ARHGAP29: variants seen among roughly 807,000 people sequenced by gnomAD.
The protein encoded by ARHGAP29 is rho GTPase-activating protein 29.
In ARHGAP29, 43 loss-of-function variants were observed where a neutral mutation model predicts 122.6. That is an observed-to-expected ratio of 0.35 (90% confidence interval 0.27 to 0.45). The LOEUF (loss-of-function observed/expected upper bound fraction) is 0.45, where lower values mean the gene tolerates loss of function less well. ARHGAP29 is among the 20% of genes least tolerant of loss of function. The pLI, the probability that ARHGAP29 is intolerant of heterozygous loss-of-function variation, is 1.00. For synonymous variants in ARHGAP29, 506 were observed against 497.1 expected (o/e 1.02, Z -0.24); for missense variants, 1,303 against 1,477.2 (o/e 0.88, Z 1.93).
At chr1:94,280,566 A>T in the ARHGAP29 span, among the ~76,000 whole-genome samples, 1 of 152,236 alleles carries the variant, frequency 6.6e-6, no homozygotes, top group Admixed American at 6.5e-5. Context: ...GAATTTCTAA[A>T]GGAGGAGAAG....
chr1:94,261,167 G>T (rs1654544663), intron 1 of ARHGAP29, among the ~76,000 whole-genome samples: 1 of 152,158 alleles, frequency 6.6e-6, no homozygotes, highest in Non-Finnish European at 1.5e-5. Context: ...CACTTGGAAA[G>T]TCCCTTACTA....
intron 3 of ARHGAP29, among the ~76,000 whole-genome samples, chr1:94,210,227 A>G (rs1206911696): frequency 6.6e-6 from 1 of 152,166 alleles, no homozygotes; most frequent in Non-Finnish European, 1.5e-5. Flanking sequence ...ATTCTCACCA[A>G]TAAAGGGAAG....
chr1:94,198,718 G>A (rs918538570), intron 12 of ARHGAP29, among the ~76,000 whole-genome samples: 1 of 152,024 alleles, frequency 6.6e-6, no homozygotes, highest in African/African-American at 2.4e-5. Context: ...ATGTTCATGT[G>A]TTGGCAACTT....
chr1:94,189,904 T>C, intron 13 of ARHGAP29, 22 bp downstream of exon 13: 1 of 1,608,934 alleles, frequency 6.2e-7, no homozygotes, highest in African/African-American at 1.3e-5. Flanking sequence ...TGAAATAATT[T>C]TGTCTGTACA....
intron 2 of ARHGAP29, among the ~76,000 whole-genome samples, chr1:94,223,562 GTAAT>G (rs1652444459): frequency 6.6e-6 from 1 of 152,006 alleles, no homozygotes; most frequent in South Asian, 2.1e-4. Context: ...TGGTGCAAAA[GTAAT>G]TAATTGCGGA....
intron 2 of ARHGAP29, among the ~76,000 whole-genome samples, chr1:94,224,892 A>G (rs1023372511): frequency 2.0e-4 from 30 of 152,210 alleles, no homozygotes; most frequent in Admixed American, 5.9e-4. Context: ...AAATAGCATC[A>G]GAATTATTTT....
exon 1 of ARHGAP29, chr1:94,275,045 C>T (rs1655132706): frequency 6.6e-6 from 1 of 152,320 alleles, no homozygotes; most frequent in Non-Finnish European, 1.5e-5. Flanking sequence ...GTGGGTAAGC[C>T]TGGATTAACC....
At chr1:94,251,929 T>C (rs569213875) in intron 1 of ARHGAP29, among the ~76,000 whole-genome samples, 117 of 152,306 alleles carry the variant, frequency 7.7e-4, no homozygotes, top group African/African-American at 2.6e-3. Flanking sequence ...CTTACTAGTA[T>C]GGGTATGTTA....
In ARHGAP29 at chr1:94,170,193, T is replaced by C. The variant is rs1008879421; in HGVS notation, c.*3676A>G. 1.7e-4 allele frequency among the ~76,000 whole-genome samples: 26 copies of C among 152,336 alleles called. No individual in the cohort carries two copies. Among genetic ancestry groups the C allele is most frequent in the African/African-American group, 6.0e-4 (25 of 41,570 alleles). ...TTTTACAATGGAGAAACCTGGTATA[T>C]ACTATCTGAACCAAGTGACCAAAAT... On this transcript the variant is annotated 3_prime_UTR_variant, in exon 23 of 23. Transcript: ENST00000260526.
At chr1:94,208,742 G>T (rs1651380608) in intron 5 of ARHGAP29, 90 bp downstream of exon 5, 2 of 1,304,874 alleles carry the variant, frequency 1.5e-6, no homozygotes, top group Non-Finnish European at 2.2e-6. Context: ...TTACAGGTAT[G>T]AGCCACCACC....
chr1:94,184,747 G>A (rs1570496483), intron 18 of ARHGAP29, 125 bp downstream of exon 18: 17 of 767,580 alleles, frequency 2.2e-5, no homozygotes, highest in South Asian at 2.2e-4. Context: ...GAGTGAGACC[G>A]TGTCTCAGAA....
chr1:94,233,910 GA>G (rs904940724), intron 1 of ARHGAP29, among the ~76,000 whole-genome samples: 9 of 152,096 alleles, frequency 5.9e-5, no homozygotes, highest in African/African-American at 1.9e-4. Context: ...CCTACAGTTT[GA>G]AAAACACCAA....
chr1:94,177,969 T>C lies in ARHGAP29; in HGVS notation c.2679A>G (p.Gln893=). The change falls in exon 21 of 23, where the codon CAA becomes CAG. Residue 893 remains glutamine (Q), a synonymous_variant. Transcript: ENST00000260526. Reference sequence around the variant, plus strand: ...CAACACCTATGCTACACATAACATCTTGTGGTTGTAGGGACCCATCGAAGA... The same window carrying C: ...CAACACCTATGCTACACATAACATCCTGTGGTTGTAGGGACCCATCGAAGA... The part of the protein sequence containing the change: ...QKIFDGSLQP[Q]DVMCSIGVVD... 1.2e-6 allele frequency: 2 copies of C among 1,614,130 alleles called. No individual in the cohort carries two copies. Among genetic ancestry groups the C allele is most frequent in the Non-Finnish European group, 1.7e-6 (2 of 1,180,028 alleles).
At chr1:94,268,602 T>A (rs1156339020) in intron 1 of ARHGAP29, among the ~76,000 whole-genome samples, 1 of 152,206 alleles carries the variant, frequency 6.6e-6, no homozygotes, top group East Asian at 1.9e-4. Flanking sequence ...AGGGACACAG[T>A]AAGAGTTCAG....
intron 3 of ARHGAP29, among the ~76,000 whole-genome samples, chr1:94,217,086 T>C (rs1177251295): frequency 6.6e-6 from 1 of 152,222 alleles, no homozygotes; most frequent in Non-Finnish European, 1.5e-5. Flanking sequence ...CCTGTGGTAA[T>C]ACAAGTAAGA....
At chr1:94,276,036 T>G (rs1474467611), upstream of ARHGAP29, among the ~76,000 whole-genome samples, 1 of 151,956 alleles carries the variant, frequency 6.6e-6, no homozygotes, top group Non-Finnish European at 1.5e-5. Flanking sequence ...TGCGGGCAGA[T>G]TACTTGAGGC....
In ARHGAP29 at chr1:94,177,968, C is replaced by T. The variant is rs1163149287; in HGVS notation, c.2680G>A (p.Asp894Asn). The change falls in exon 21 of 23, where the codon GAT becomes AAT. Residue 894 changes from aspartate (D) to asparagine (N), a missense_variant. Physicochemically the swap from Asp to Asn is conservative, Grantham distance 23. Coordinates refer to ENST00000260526, the MANE Select transcript of ARHGAP29 (RefSeq NM_004815.4). The stretch of plus-strand genomic sequence containing the variant: ...ACAACACCTATGCTACACATAACAT[C>T]TTGTGGTTGTAGGGACCCATCGAAG... ...KIFDGSLQPQ[D>N]VMCSIGVVDQ... The T allele has an allele frequency of 6.2e-7, 1 of 1,614,032 alleles. No homozygotes were observed. Among genetic ancestry groups the T allele is most frequent in the East Asian group, 2.2e-5 (1 of 44,882 alleles).
At chr1:94,229,429 C>T (rs572329850) in intron 2 of ARHGAP29, among the ~76,000 whole-genome samples, 1 of 151,692 alleles carries the variant, frequency 6.6e-6, no homozygotes, top group South Asian at 2.1e-4. Flanking sequence ...TAATGAGGTC[C>T]ATTTATGTTT....
intron 3 of ARHGAP29, among the ~76,000 whole-genome samples, chr1:94,213,334 C>T (rs919777667): frequency 1.1e-4 from 16 of 152,180 alleles, no homozygotes; most frequent in Non-Finnish European, 1.9e-4. Flanking sequence ...CACCCGCCAC[C>T]AGGCCCGGCC....
Sources: allele counts gnomAD v4.1 joint callset (sites outside exome capture counted in the v4.1 genomes callset), GRCh38; gene constraint gnomAD v4.1.1; transcripts MANE v1.5; gene names NCBI Gene and HGNC (gene_info 2026-07-23, HGNC 2026-07-21).